The following PLEKHA5 variants were observed in gnomAD, a reference collection of about 807,000 sequenced individuals.
PLEKHA5 encodes pleckstrin homology domain-containing family A member 5.
PLEKHA5 carries 55 observed loss-of-function variants against 181.9 expected under a neutral mutation model. The ratio of observed to expected loss-of-function variants is 0.30; its 90% CI spans 0.24 to 0.38. The LOEUF (loss-of-function observed/expected upper bound fraction) is 0.38. Ranked by LOEUF, PLEKHA5 falls within the 10% of genes least tolerant of loss-of-function variation. The probability of loss-of-function intolerance (pLI) is 1.00; values close to 1 mark genes in which losing one functional copy is unlikely to be tolerated. For missense variants in PLEKHA5, 1,432 were observed against 1,549.5 expected (o/e 0.92, Z 1.27); for synonymous variants, 535 against 529.4 (o/e 1.01, Z -0.15).
At chr12:19,315,362 A>G (rs1033023311) in intron 16 of PLEKHA5, among the ~76,000 whole-genome samples, 2 of 152,148 alleles carry the variant, frequency 1.3e-5, no homozygotes, top group Admixed American at 6.5e-5. Flanking sequence ...TTTCTGTACT[A>G]TGGTATGGTA....
At chr12:19,133,485 C>A (rs561749022) in intron 3 of PLEKHA5, among the ~76,000 whole-genome samples, 15 of 151,968 alleles carry the variant, frequency 9.9e-5, no homozygotes, top group African/African-American at 3.6e-4. Context: ...GTTAAGACTT[C>A]AGTAGTTTAT....
At position 19,283,369 on chromosome 12, in the gene PLEKHA5, C is replaced by T; in HGVS notation, c.1403C>T (p.Pro468Leu). 1 of 1,613,950 alleles carries T rather than the reference C, an allele frequency of 6.2e-7. No individual in the cohort carries two copies. The highest frequency in any genetic ancestry group is 1.1e-5 in the South Asian group (1 of 91,066). Residue 468 changes from proline (P) to leucine (L), a missense_variant, in exon 12 of 32, where the codon CCA (proline) becomes CTA (leucine). Pro to Leu is a moderately conservative substitution (Grantham distance 98). Around this residue, in one of 2 missense-constraint regions of PLEKHA5, gnomAD observed 1,143 missense variants for 1,168.4 expected, o/e 0.98. Coordinates refer to ENST00000429027, the MANE Select transcript of PLEKHA5 (RefSeq NM_001256470.2). ...TACCCTGAAGGTTATAGAACACTCC[C>T]AAGAAACAGCAAGACAAGGCCTGAA... ...ARYPEGYRTL[P>L]RNSKTRPESI... is the part of the protein sequence containing the mutation.
At chr12:19,166,573 T>C (rs2044449286) in intron 3 of PLEKHA5, among the ~76,000 whole-genome samples, 2 of 152,182 alleles carry the variant, frequency 1.3e-5, no homozygotes, top group Admixed American at 6.5e-5. Context: ...ATCCAGGAAC[T>C]TTCCTCCCTG....
At chr12:19,305,788 A>T (rs1342379398) in intron 15 of PLEKHA5, among the ~76,000 whole-genome samples, 1 of 127,494 alleles carries the variant, frequency 7.8e-6, no homozygotes, top group South Asian at 2.7e-4. Context: ...TCAACCTGGG[A>T]GTCGGAGGTT....
intron 3 of PLEKHA5, chr12:19,202,046 C>T: frequency 1.1e-6 from 1 of 941,290 alleles, no homozygotes. Context: ...TTAATTATTC[C>T]CTTCACAGTT....
chr12:19,348,186 A>C (rs2094432436), intron 24 of PLEKHA5, among the ~76,000 whole-genome samples: 1 of 152,104 alleles, frequency 6.6e-6, no homozygotes, highest in Non-Finnish European at 1.5e-5. Flanking sequence ...CCCGGCCAGA[A>C]ATATTCTTAA....
chr12:19,361,161 G>A (rs1289125441), intron 28 of PLEKHA5, among the ~76,000 whole-genome samples: 1 of 152,042 alleles, frequency 6.6e-6, no homozygotes. Context: ...ATTTGATAGA[G>A]TGTGATTGTT....
intron 18 of PLEKHA5, among the ~76,000 whole-genome samples, chr12:19,321,848 C>T (rs2090959109): frequency 6.6e-6 from 1 of 152,004 alleles, no homozygotes; most frequent in South Asian, 2.1e-4. Flanking sequence ...CCAGTGTTTT[C>T]ATTTTGAAAC....
rs936971680 is a variant in PLEKHA5 at position 19,298,533 on chromosome 12, G to A, written c.2037+6836G>A. ...ACAGGCACCCACCACCACGCCTGGT[G>A]AATTTTTGTATTTTTAGTAGAGATA... On this transcript the variant is annotated intron_variant, in intron 15 of 31. Transcript: ENST00000429027. 2.0e-5 allele frequency among the ~76,000 whole-genome samples: 3 copies of A among 148,964 alleles called. No homozygotes were observed. In the East Asian group the frequency reaches 6.0e-4, roughly 30 times the overall value.
chr12:19,245,723 CAAAAAAAAA>C (rs1177391924), intron 3 of PLEKHA5, among the ~76,000 whole-genome samples: 3 of 50,906 alleles, frequency 5.9e-5, no homozygotes, highest in Admixed American at 3.4e-4. Context: ...GTGAGACTGT[CAAAAAAAAA>C]AAAAAAAAAA....
At chr12:19,374,282 CA>C (rs1423550178) in intron 31 of PLEKHA5, among the ~76,000 whole-genome samples, 6 of 149,426 alleles carry the variant, frequency 4.0e-5, no homozygotes, top group African/African-American at 1.5e-4. Flanking sequence ...AGAGTGAAAA[CA>C]GAGCTCCCCT....
intron 12 of PLEKHA5, among the ~76,000 whole-genome samples, chr12:19,287,032 C>T (rs1339427515): frequency 1.3e-5 from 2 of 151,630 alleles, no homozygotes; most frequent in South Asian, 4.2e-4. Flanking sequence ...GAGCCTCGCT[C>T]TGTTGCCCAG....
chr12:19,261,382 C>T (rs1466503571), intron 7 of PLEKHA5, among the ~76,000 whole-genome samples: 1 of 151,972 alleles, frequency 6.6e-6, no homozygotes, highest in African/African-American at 2.4e-5. Flanking sequence ...AATTCTGCTC[C>T]CCAGCAAATG....
intron 13 of PLEKHA5, among the ~76,000 whole-genome samples, 181 bp downstream of exon 13, chr12:19,287,737 T>C (rs767427822): frequency 1.7e-4 from 26 of 152,190 alleles, no homozygotes; most frequent in Admixed American, 9.2e-4. Context: ...AGTGTTTTAG[T>C]GGATACCTTT....
At chr12:19,177,645 C>G (rs1485376566) in intron 3 of PLEKHA5, among the ~76,000 whole-genome samples, 1 of 152,166 alleles carries the variant, frequency 6.6e-6, no homozygotes, top group Admixed American at 6.5e-5. Flanking sequence ...TTAAAGCACA[C>G]CAAGAGTTGA....
In PLEKHA5 at chr12:19,333,785, A is replaced by G. The variant is rs376418087; in HGVS notation, c.2449-2730A>G. ...CACCAAGCCCAGATAATTTTTTTGTATTTTTAGTAGAGACAGGGTTTCACT... is the reference window on the plus strand; with the variant it reads ...CACCAAGCCCAGATAATTTTTTTGTGTTTTTAGTAGAGACAGGGTTTCACT... On this transcript the variant is annotated intron_variant, in intron 20 of 31. Transcript: ENST00000429027. Among the ~76,000 whole-genome samples the G allele has an allele frequency of 1.3e-4, 20 of 151,582 alleles. No individual in the cohort carries two copies. In the South Asian group the frequency reaches 4.2e-3, roughly 32 times the overall value.
intron 16 of PLEKHA5, 195 bp from the exon 17 acceptor site, chr12:19,319,826 G>T: frequency 2.5e-6 from 1 of 404,224 alleles, no homozygotes. Context: ...CTGGGCAGAA[G>T]CTGAAGAAAG....
intron 3 of PLEKHA5, among the ~76,000 whole-genome samples, chr12:19,230,413 G>A (rs957393570): frequency 3.9e-5 from 6 of 152,154 alleles, no homozygotes; most frequent in East Asian, 1.9e-4. Flanking sequence ...GAGCGGGGGC[G>A]GTGCTCGTCG....
At chr12:19,355,860 C>A (rs1212205049) in intron 26 of PLEKHA5, among the ~76,000 whole-genome samples, 1 of 151,778 alleles carries the variant, frequency 6.6e-6, no homozygotes, top group Admixed American at 6.6e-5. Flanking sequence ...ACAAAAAGTG[C>A]ATGTTAAAAT....
Sources: gnomAD v4.1 joint callset for allele counts (sites outside exome capture counted in the v4.1 genomes callset) on GRCh38, gnomAD v4.1.1 for gene constraint, gnomAD v4.1.1 regional missense constraint, MANE v1.5 for transcripts, NCBI Gene and HGNC (gene_info 2026-07-23, HGNC 2026-07-21) for gene names.